VDAC1: variants seen among roughly 807,000 people sequenced by gnomAD.
VDAC1 encodes voltage dependent anion channel 1.
In VDAC1, 10 loss-of-function variants were observed where a neutral mutation model predicts 34.7. That is an observed-to-expected ratio of 0.29 (90% CI 0.18 to 0.49). The LOEUF (loss-of-function observed/expected upper bound fraction) is 0.49. Ranked by LOEUF, VDAC1 falls within the 20% of genes least tolerant of loss-of-function variation. The pLI is 0.99. For missense variants in VDAC1, 230 were observed against 347.9 expected (o/e 0.66, Z 2.69); for synonymous variants, 130 against 136.0 (o/e 0.96, Z 0.30).
At chr5:134,030,279 C>T in the VDAC1 span, among the ~76,000 whole-genome samples, 1,249 of 151,556 alleles carry the variant, frequency 8.2e-3, 20 homozygotes, top group African/African-American at 0.028. Flanking sequence ...GGTGGAGGTC[C>T]GCGGTGAGCA....
chr5:134,024,154 A>C, the VDAC1 span, among the ~76,000 whole-genome samples: 1 of 151,248 alleles, frequency 6.6e-6, no homozygotes, highest in Non-Finnish European at 1.5e-5. Context: ...AGAGGAAAAA[A>C]AAAAAGAATG....
the VDAC1 span, among the ~76,000 whole-genome samples, chr5:134,070,645 T>C: frequency 6.6e-6 from 1 of 152,196 alleles, no homozygotes. Context: ...TGGTTAACAA[T>C]GTCAAGAGCA....
At chr5:134,059,868 C>T in the VDAC1 span, among the ~76,000 whole-genome samples, 3 of 146,146 alleles carry the variant, frequency 2.1e-5, no homozygotes, top group East Asian at 5.8e-4. Context: ...CTGAAGGTGA[C>T]GCAGAGAGGC....
At chr5:134,087,426 A>G in the VDAC1 span, among the ~76,000 whole-genome samples, 1 of 152,220 alleles carries the variant, frequency 6.6e-6, no homozygotes, top group South Asian at 2.1e-4. Context: ...CCCACAGCCC[A>G]ACCCCCTCCA....
At chr5:134,037,961 TATC>T in the VDAC1 span, among the ~76,000 whole-genome samples, 24 of 152,350 alleles carry the variant, frequency 1.6e-4, no homozygotes, top group South Asian at 5.0e-3. Context: ...AACTCTGTAA[TATC>T]ATTGCAACTA....
chr5:134,105,050 A>G, the VDAC1 span, among the ~76,000 whole-genome samples: 1 of 152,276 alleles, frequency 6.6e-6, no homozygotes, highest in East Asian at 1.9e-4. Context: ...ACCTCCCGAG[A>G]GCTCCTGAGA....
chr5:133,992,880 G>A (rs1253019824), intron 2 of VDAC1, 66 bp downstream of exon 2: 63 of 1,504,476 alleles, frequency 4.2e-5, no homozygotes, highest in Non-Finnish European at 5.4e-5. Flanking sequence ...AACAGTTATC[G>A]GTAAAGTCTC....
At chr5:134,008,192 C>T (rs867587217), upstream of VDAC1, among the ~76,000 whole-genome samples, 1 of 151,848 alleles carries the variant, frequency 6.6e-6, no homozygotes, top group Non-Finnish European at 1.5e-5. Flanking sequence ...CCAATGAGAC[C>T]AGATGAGAAT....
chr5:133,985,353 A>C (rs952073329), intron 5 of VDAC1, among the ~76,000 whole-genome samples: 4 of 152,182 alleles, frequency 2.6e-5, no homozygotes, highest in East Asian at 1.9e-4. Flanking sequence ...CAACCAAATT[A>C]TCTCTCAATA....
At chr5:134,081,273 G>A in the VDAC1 span, among the ~76,000 whole-genome samples, 2 of 152,122 alleles carry the variant, frequency 1.3e-5, no homozygotes, top group Non-Finnish European at 2.9e-5. Context: ...TCCTGACCAG[G>A]TGATCTGCCC....
chr5:134,111,697 C>A, the VDAC1 span, among the ~76,000 whole-genome samples: 1 of 151,998 alleles, frequency 6.6e-6, no homozygotes, highest in South Asian at 2.1e-4. Context: ...AAAGTCAGGG[C>A]TCCATATTAG....
chr5:133,994,724 TA>T (rs1171080719), intron 1 of VDAC1, among the ~76,000 whole-genome samples: 1 of 151,958 alleles, frequency 6.6e-6, no homozygotes, highest in African/African-American at 2.4e-5. Flanking sequence ...ACACAGAACA[TA>T]ACAGTAACGG....
chr5:134,086,978 G>A, the VDAC1 span, among the ~76,000 whole-genome samples: 2 of 152,172 alleles, frequency 1.3e-5, no homozygotes, highest in Non-Finnish European at 2.9e-5. Flanking sequence ...TTTGACTGTT[G>A]AAAGGAAGAG....
chr5:134,080,986 CCCA>C, the VDAC1 span, among the ~76,000 whole-genome samples: 1 of 152,060 alleles, frequency 6.6e-6, no homozygotes, highest in African/African-American at 2.4e-5. Context: ...AAGCGATCCT[CCCA>C]CCTTAGCTCC....
intron 1 of VDAC1, among the ~76,000 whole-genome samples, chr5:133,994,755 C>T (rs962500028): frequency 2.0e-5 from 3 of 152,158 alleles, no homozygotes; most frequent in East Asian, 1.9e-4. Context: ...ATTCTCCACC[C>T]GACAGGGTTA....
At chr5:134,061,682 T>A in the VDAC1 span, among the ~76,000 whole-genome samples, 1 of 151,758 alleles carries the variant, frequency 6.6e-6, no homozygotes, top group African/African-American at 2.4e-5. Context: ...CCCTGAATTT[T>A]TTATGAAGAC....
the VDAC1 span, chr5:134,081,987 C>T: frequency 6.1e-6 from 1 of 164,220 alleles, no homozygotes; most frequent in Non-Finnish European, 1.3e-5. Context: ...AGTTCTGAGC[C>T]AGATACATTC....
chr5:134,095,419 C>T, the VDAC1 span, among the ~76,000 whole-genome samples: 1 of 151,864 alleles, frequency 6.6e-6, no homozygotes, highest in African/African-American at 2.4e-5. Context: ...GGAGATTGAG[C>T]CTGCAGTGAG....
At chr5:133,995,627 CT>C (rs1413581356) in intron 1 of VDAC1, among the ~76,000 whole-genome samples, 2 of 152,030 alleles carry the variant, frequency 1.3e-5, no homozygotes, top group East Asian at 3.9e-4. Flanking sequence ...GCTTCCCCTC[CT>C]TTTTGTGCAC....
Sources: gnomAD v4.1 joint callset for allele counts (sites outside exome capture counted in the v4.1 genomes callset) on GRCh38, gnomAD v4.1.1 for gene constraint, MANE v1.5 for transcripts, NCBI Gene and HGNC (gene_info 2026-07-23, HGNC 2026-07-21) for gene names.